Variants in ADCY2 observed in about 807,000 individuals in gnomAD.
ADCY2 encodes the protein adenylate cyclase type 2.
In ADCY2, 31 loss-of-function variants were observed where a neutral mutation model predicts 125.2. The observed-to-expected ratio is 0.25, with a 90% CI of 0.19 to 0.33. ADCY2 has a LOEUF of 0.33. Ranked by LOEUF, ADCY2 falls within the 10% of genes least tolerant of loss-of-function variation. The pLI is 1.00. For missense variants in ADCY2, 904 were observed against 1,418.2 expected (o/e 0.64, Z 5.82); for synonymous variants, 512 against 548.4 (o/e 0.93, Z 0.93).
rs561736163 is a variant in ADCY2 at position 7,501,023 on chromosome 5, A to T, written c.409-19715A>T. ...GTCAAGTGATTTCACAGTTGGAATG[A>T]TGGTGCAGGGTTTCTGAAAACGTCT... is the stretch of plus-strand genomic sequence containing the variant. On this transcript the variant is annotated intron_variant, in intron 2 of 24. Transcript: ENST00000338316. Among the ~76,000 whole-genome samples the T allele has an allele frequency of 4.6e-5, 7 of 152,060 alleles. No individual in the cohort carries two copies. In the South Asian group the frequency reaches 1.5e-3, roughly 32 times the overall value.
chr5:7,749,456 G>C (rs1231456887), intron 15 of ADCY2, among the ~76,000 whole-genome samples: 1 of 152,072 alleles, frequency 6.6e-6, no homozygotes, highest in Admixed American at 6.5e-5. Flanking sequence ...GCTAAGACTA[G>C]AATAAGAGAT....
intron 2 of ADCY2, among the ~76,000 whole-genome samples, chr5:7,512,245 A>AAAAAAAAAAAG (rs1744096057): frequency 6.6e-6 from 1 of 150,698 alleles, no homozygotes; most frequent in African/African-American, 2.5e-5. Context: ...AAAAAAGAAA[A>AAAAAAAAAAAG]CCATCAGAGG....
At chr5:7,799,621 C>T (rs962393601) in intron 20 of ADCY2, 2 of 152,330 alleles carry the variant, frequency 1.3e-5, no homozygotes, top group African/African-American at 4.8e-5. Context: ...CCTGGCCCTT[C>T]CCCTTAGCCA....
intron 3 of ADCY2, among the ~76,000 whole-genome samples, chr5:7,533,391 C>G (rs1302086308): frequency 6.6e-6 from 1 of 151,864 alleles, no homozygotes; most frequent in African/African-American, 2.4e-5. Context: ...ATTCATCTGG[C>G]TGATGATTTG....
chr5:7,520,459 T>G (rs1340687187), intron 2 of ADCY2, among the ~76,000 whole-genome samples: 1 of 152,202 alleles, frequency 6.6e-6, no homozygotes, highest in Non-Finnish European at 1.5e-5. Context: ...AGAACCCTGA[T>G]AGTTTAGGAC....
chr5:7,682,731 T>G (rs1032736857), intron 4 of ADCY2, among the ~76,000 whole-genome samples: 1 of 152,192 alleles, frequency 6.6e-6, no homozygotes, highest in African/African-American at 2.4e-5. Context: ...CTCCCTGAGT[T>G]TAGGATGGTA....
intron 2 of ADCY2, among the ~76,000 whole-genome samples, chr5:7,449,845 C>G (rs559647665): frequency 6.6e-6 from 1 of 152,298 alleles, no homozygotes; most frequent in African/African-American, 2.4e-5. Flanking sequence ...GTCATTGTCA[C>G]AGTATTTGAA....
intron 12 of ADCY2, among the ~76,000 whole-genome samples, chr5:7,719,148 G>C (rs955372599): frequency 2.6e-5 from 4 of 152,046 alleles, no homozygotes; most frequent in African/African-American, 9.7e-5. Context: ...CATTGTCATT[G>C]CTTTATTGTT....
chr5:7,513,077 T>TGA (rs1744125299), intron 2 of ADCY2, among the ~76,000 whole-genome samples: 1 of 32,214 alleles, frequency 3.1e-5, no homozygotes, highest in South Asian at 9.0e-4. Flanking sequence ...GGAAAATACA[T>TGA]GACACACACA....
intron 3 of ADCY2, among the ~76,000 whole-genome samples, chr5:7,554,025 T>G (rs1167008591): frequency 6.6e-6 from 1 of 152,120 alleles, no homozygotes; most frequent in African/African-American, 2.4e-5. Flanking sequence ...GGCTTAGAAG[T>G]TATACAAGTG....
At chr5:7,696,731 G>A (rs1444546956) in intron 6 of ADCY2, among the ~76,000 whole-genome samples, 1 of 152,172 alleles carries the variant, frequency 6.6e-6, no homozygotes, top group Non-Finnish European at 1.5e-5. Flanking sequence ...GAGTCTCTTA[G>A]GAATAAATCT....
chr5:7,549,053 G>T (rs904370668), intron 3 of ADCY2, among the ~76,000 whole-genome samples: 1 of 152,168 alleles, frequency 6.6e-6, no homozygotes, highest in Non-Finnish European at 1.5e-5. Flanking sequence ...CATGAAGCTG[G>T]TAGTGTTACA....
chr5:7,448,573 C>T (rs1372509081), intron 2 of ADCY2, among the ~76,000 whole-genome samples: 1 of 151,908 alleles, frequency 6.6e-6, no homozygotes. Context: ...CTGCACAGAT[C>T]TTCCCATCAC....
intron 2 of ADCY2, among the ~76,000 whole-genome samples, chr5:7,481,019 C>T (rs984780211): frequency 2.0e-5 from 3 of 152,092 alleles, no homozygotes; most frequent in African/African-American, 7.2e-5. Context: ...ATTGCTGGAT[C>T]ATATGGTAAC....
At chr5:7,504,929 G>A (rs908494583) in intron 2 of ADCY2, among the ~76,000 whole-genome samples, 14 of 151,996 alleles carry the variant, frequency 9.2e-5, no homozygotes, top group Non-Finnish European at 2.9e-5. Context: ...CTGGAATGGA[G>A]TACAGTGGCA....
intron 3 of ADCY2, among the ~76,000 whole-genome samples, chr5:7,620,956 TG>T (rs1430927673): frequency 1.3e-5 from 2 of 152,186 alleles, no homozygotes; most frequent in South Asian, 2.1e-4. Context: ...AGCCTGGCTT[TG>T]CCCTCAGCCT....
At chr5:7,768,446 G>A (rs1223592504) in intron 17 of ADCY2, among the ~76,000 whole-genome samples, 1 of 152,148 alleles carries the variant, frequency 6.6e-6, no homozygotes, top group Non-Finnish European at 1.5e-5. Flanking sequence ...TGGGAAGAGA[G>A]TGCACCGACC....
intron 2 of ADCY2, among the ~76,000 whole-genome samples, chr5:7,491,213 T>C (rs1435233704): frequency 6.6e-6 from 1 of 152,206 alleles, no homozygotes; most frequent in Non-Finnish European, 1.5e-5. Flanking sequence ...GGATGTATTC[T>C]CACATATCTG....
intron 24 of ADCY2, 54 bp downstream of exon 24, chr5:7,820,743 G>T (rs1425898042): frequency 1.9e-5 from 29 of 1,559,890 alleles, no homozygotes; most frequent in Non-Finnish European, 2.3e-5. Context: ...GTTCTCTTGG[G>T]AACCATAAAT....
Sources: gnomAD v4.1 joint callset for allele counts (sites outside exome capture counted in the v4.1 genomes callset) on GRCh38, gnomAD v4.1.1 for gene constraint, MANE v1.5 for transcripts, NCBI Gene and HGNC (gene_info 2026-07-23, HGNC 2026-07-21) for gene names.